The following CCDC18 variants were observed in gnomAD, a reference collection of about 807,000 sequenced individuals.
The protein encoded by CCDC18 is coiled-coil domain containing 18, also known as coiled-coil domain-containing protein 18.
A neutral mutation model predicts 196.0 loss-of-function variants in CCDC18; 157 were observed. The observed-to-expected ratio is 0.80, with a 90% CI of 0.70 to 0.91. The LOEUF (loss-of-function observed/expected upper bound fraction) is 0.91. CCDC18 is among the 40% of genes least tolerant of loss of function. The pLI is 0.00. For missense variants in CCDC18, 1,465 were observed against 1,611.6 expected, an observed-to-expected ratio of 0.91 and a Z score of 1.56; for synonymous variants, 482 against 529.2, an observed-to-expected ratio of 0.91 and a Z score of 1.22.
chr1:93,222,626 C>G (rs1011444538), intron 16 of CCDC18, among the ~76,000 whole-genome samples: 1 of 152,058 alleles, frequency 6.6e-6, no homozygotes, highest in African/African-American at 2.4e-5. Flanking sequence ...AAGTGCTTAC[C>G]CACTCACTGT....
At chr1:93,269,332 G>A (rs555694739) in intron 27 of CCDC18, among the ~76,000 whole-genome samples, 53 of 151,476 alleles carry the variant, frequency 3.5e-4, no homozygotes, top group South Asian at 6.3e-4. Flanking sequence ...TGTAAATGAC[G>A]AGTTAATGGG....
intron 27 of CCDC18, among the ~76,000 whole-genome samples, chr1:93,269,266 G>C (rs1664952403): frequency 8.2e-6 from 1 of 121,758 alleles, no homozygotes; most frequent in South Asian, 3.1e-4. Context: ...TCACACACTG[G>C]GGCCTGTTGT....
chr1:93,216,313 C>T (rs78082665), intron 12 of CCDC18, among the ~76,000 whole-genome samples: 59 of 152,294 alleles, frequency 3.9e-4, no homozygotes, highest in African/African-American at 1.2e-3. Context: ...TTAACAGCTA[C>T]GTAAAAATAG....
At chr1:93,231,629 G>A (rs1659252334) in intron 17 of CCDC18, among the ~76,000 whole-genome samples, 1 of 152,068 alleles carries the variant, frequency 6.6e-6, no homozygotes, top group South Asian at 2.1e-4. Context: ...CTAGGACAAA[G>A]GGAATTTATT....
intron 4 of CCDC18, among the ~76,000 whole-genome samples, chr1:93,191,265 C>A (rs544155109): frequency 6.6e-6 from 1 of 152,304 alleles, no homozygotes; most frequent in East Asian, 1.9e-4. Flanking sequence ...CTCACAGTCT[C>A]AAGCTTCTTC....
chr1:93,218,853 T>G (rs1397711350), intron 14 of CCDC18, among the ~76,000 whole-genome samples: 2 of 152,216 alleles, frequency 1.3e-5, no homozygotes, highest in African/African-American at 4.8e-5. Flanking sequence ...GAGTCATCTT[T>G]GAGAACAGCC....
intron 12 of CCDC18, 128 bp from the exon 13 acceptor site, chr1:93,216,508 T>C: frequency 2.0e-6 from 1 of 496,234 alleles, no homozygotes; most frequent in Non-Finnish European, 3.6e-6. Context: ...TGTTTATAAC[T>C]GTAAGTTTGC....
intron 5 of CCDC18, among the ~76,000 whole-genome samples, chr1:93,192,675 C>T (rs1288306460): frequency 6.6e-6 from 1 of 152,242 alleles, no homozygotes; most frequent in Non-Finnish European, 1.5e-5. Context: ...TGGCCTCAAG[C>T]AGTCGTCCTG....
At chr1:93,249,778 T>C (rs2100997703) in intron 23 of CCDC18, among the ~76,000 whole-genome samples, 1 of 152,368 alleles carries the variant, frequency 6.6e-6, no homozygotes, top group South Asian at 2.1e-4. Flanking sequence ...CCAATAATAT[T>C]TTCAATAATG....
intron 9 of CCDC18, among the ~76,000 whole-genome samples, chr1:93,208,931 T>A (rs1655167910): frequency 6.6e-6 from 1 of 152,076 alleles, no homozygotes; most frequent in Non-Finnish European, 1.5e-5. Flanking sequence ...CCCAAACTGC[T>A]GGGATTATGG....
In CCDC18 at chr1:93,197,776, G is replaced by A. The variant is rs1205032904; in HGVS notation, c.698+4032G>A. Among the ~76,000 whole-genome samples, 64 of 114,218 alleles carry A rather than the reference G, an allele frequency of 5.6e-4. 1 individual carries two copies. The highest frequency in any genetic ancestry group is 1.4e-3 in the South Asian group (5 of 3,558). 74.9% of individuals were successfully genotyped at this position (114,218 alleles called of 152,430 possible). ...TTTTTTTTTTTTTTTTTTTGAGACA[G>A]AGTCTCGCTCTGTCGCCCAGGCTGG... On this transcript the variant is annotated intron_variant, in intron 6 of 28. Coordinates refer to ENST00000690025, the MANE Select transcript of CCDC18 (RefSeq NM_001378204.1).
At chr1:93,236,646 C>T (rs1660106026) in intron 19 of CCDC18, among the ~76,000 whole-genome samples, 1 of 152,118 alleles carries the variant, frequency 6.6e-6, no homozygotes, top group South Asian at 2.1e-4. Flanking sequence ...TAGGGTCTTA[C>T]ACAACAACTG....
intron 6 of CCDC18, among the ~76,000 whole-genome samples, chr1:93,194,205 A>G (rs10782955): frequency 0.53 from 80,065 of 151,978 alleles, 24,280 homozygotes; most frequent in South Asian, 0.68. Context: ...AAATATATAA[A>G]TAGTACAAAA....
At chr1:93,213,339 A>G (rs1246086403) in intron 11 of CCDC18, among the ~76,000 whole-genome samples, 1 of 151,848 alleles carries the variant, frequency 6.6e-6, no homozygotes, top group Non-Finnish European at 1.5e-5. Flanking sequence ...CACCACAGTC[A>G]AGACATAAGA....
intron 27 of CCDC18, among the ~76,000 whole-genome samples, chr1:93,265,863 C>G (rs1436793742): frequency 6.6e-6 from 1 of 152,082 alleles, no homozygotes; most frequent in Non-Finnish European, 1.5e-5. Context: ...TAACACCCCA[C>G]TGTCAACATT....
chr1:93,268,356 G>A (rs960107944), intron 27 of CCDC18, among the ~76,000 whole-genome samples: 3 of 151,884 alleles, frequency 2.0e-5, no homozygotes, highest in African/African-American at 2.4e-5. Context: ...CATTGCCTAG[G>A]CATGGGCATA....
At chr1:93,261,997 A>G (rs1198042480) in intron 26 of CCDC18, among the ~76,000 whole-genome samples, 2 of 152,194 alleles carry the variant, frequency 1.3e-5, no homozygotes, top group African/African-American at 4.8e-5. Flanking sequence ...AAAGCAAGGC[A>G]TGTCTTACAT....
intron 27 of CCDC18, among the ~76,000 whole-genome samples, chr1:93,269,033 C>CCAT (rs1474981284): frequency 6.6e-6 from 1 of 152,044 alleles, no homozygotes; most frequent in African/African-American, 2.4e-5. Flanking sequence ...ACCCAAATGT[C>CCAT]CATCAGTGAT....
intron 28 of CCDC18, among the ~76,000 whole-genome samples, chr1:93,272,625 C>T (rs1665370649): frequency 6.6e-6 from 1 of 152,118 alleles, no homozygotes; most frequent in African/African-American, 2.4e-5. Flanking sequence ...GCTTTTATGA[C>T]CCTCATAAGA....
Sources: allele counts gnomAD v4.1 joint callset (sites outside exome capture counted in the v4.1 genomes callset), GRCh38; gene constraint gnomAD v4.1.1; transcripts MANE v1.5; gene names NCBI Gene and HGNC (gene_info 2026-07-23, HGNC 2026-07-21).